CRIM1: variants seen among roughly 807,000 people sequenced by gnomAD.
CRIM1 encodes the protein cysteine-rich motor neuron 1 protein.
CRIM1 carries 32 observed loss-of-function variants against 116.4 expected under a neutral mutation model. The observed-to-expected ratio is 0.27, with a 90% CI of 0.21 to 0.37. The LOEUF is 0.37. CRIM1 is among the 10% of genes least tolerant of loss of function. The pLI is 1.00. For missense variants in CRIM1, 1,331 were observed against 1,354.8 expected (o/e 0.98, Z 0.28); for synonymous variants, 590 against 509.2 (o/e 1.16, Z -2.13).
At chr2:36,377,406 T>C (rs1670408850) in intron 1 of CRIM1, among the ~76,000 whole-genome samples, 1 of 152,210 alleles carries the variant, frequency 6.6e-6, no homozygotes, top group African/African-American at 2.4e-5. Context: ...GGAGAAATCA[T>C]GTTTTATTAA....
chr2:36,478,995 G>C (rs1679200697), intron 6 of CRIM1, among the ~76,000 whole-genome samples: 1 of 152,176 alleles, frequency 6.6e-6, no homozygotes, highest in Non-Finnish European at 1.5e-5. Flanking sequence ...TCATGAACAA[G>C]TCCACAGCAA....
intron 13 of CRIM1, among the ~76,000 whole-genome samples, chr2:36,528,928 C>G (rs942625180): frequency 1.3e-5 from 2 of 152,206 alleles, no homozygotes; most frequent in African/African-American, 4.8e-5. Context: ...AAGCAGCTTT[C>G]TCTTCTCACT....
chr2:36,410,323 T>C (rs1489363296), intron 2 of CRIM1, among the ~76,000 whole-genome samples: 2 of 152,212 alleles, frequency 1.3e-5, no homozygotes, highest in African/African-American at 4.8e-5. Flanking sequence ...ATCAGTAGCC[T>C]TTCTTTTCCT....
At chr2:36,402,141 G>A (rs1253701559) in intron 2 of CRIM1, among the ~76,000 whole-genome samples, 1 of 152,156 alleles carries the variant, frequency 6.6e-6, no homozygotes, top group Non-Finnish European at 1.5e-5. Flanking sequence ...TGGTCACACA[G>A]GCAGTAAATA....
At position 36,550,992 on chromosome 2, in the gene CRIM1, A is replaced by G. The variant is rs1468752888; in HGVS notation, c.*2291A>G. The stretch of plus-strand genomic sequence containing the variant: ...TTGTGCTCTTGTAAAAGAAAAATAT[A>G]ATTTCCTGAAGAATAAAATAGATAT... On this transcript the variant is annotated 3_prime_UTR_variant, in exon 17 of 17. Coordinates refer to ENST00000280527, the MANE Select transcript of CRIM1 (RefSeq NM_016441.3). 6.6e-6 allele frequency: 1 copy of G among 152,654 alleles called. No individual in the cohort carries two copies. Among genetic ancestry groups the G allele is most frequent in the Non-Finnish European group, 1.5e-5 (1 of 68,042 alleles). 9.5% of individuals were successfully genotyped at this position (152,654 alleles called of 1,614,324 possible).
At position 36,548,827 on chromosome 2, in the gene CRIM1, G is replaced by A; in HGVS notation, c.*126G>A. 1 of 703,856 alleles carries A rather than the reference G, an allele frequency of 1.4e-6. No individual in the cohort carries two copies. Among genetic ancestry groups the A allele is most frequent in the South Asian group, 2.3e-5 (1 of 42,744 alleles). 43.6% of individuals were successfully genotyped at this position (703,856 alleles called of 1,614,324 possible). ...ATTGTGACTTGATGTACAGCGCTAA[G>A]ACCTTACTGGGATGGGCTCTGTCTA... On this transcript the variant is annotated 3_prime_UTR_variant, in exon 17 of 17. Transcript: ENST00000280527.
intron 1 of CRIM1, among the ~76,000 whole-genome samples, chr2:36,363,529 G>GGCCC (rs1669375377): frequency 2.6e-5 from 2 of 77,774 alleles, no homozygotes; most frequent in Non-Finnish European, 6.4e-5. Context: ...AGTCGTCGCC[G>GGCCC]CCCCCCCCCC....
At chr2:36,476,426 A>G (rs539113117) in intron 5 of CRIM1, among the ~76,000 whole-genome samples, 1 of 152,348 alleles carries the variant, frequency 6.6e-6, no homozygotes, top group Non-Finnish European at 1.5e-5. Context: ...GTACAGAGAA[A>G]AAGAATTTAA....
rs202057234 is a variant in CRIM1, at chr2:36,403,083, A to T, written c.505+6296A>T. Among the ~76,000 whole-genome samples the T allele has an allele frequency of 5.9e-5, 9 of 152,320 alleles. No individual in the cohort carries two copies. The East Asian group carries it at 1.2e-3, about 20-fold the overall frequency. On this transcript the variant is annotated intron_variant, in intron 2 of 16. Transcript: ENST00000280527. ...TTGTATAGAAAAATAAGAATAACCT[A>T]CTTTGCAGTGATTTATCACCAGGCA...
chr2:36,487,745 G>A (rs906096865), intron 7 of CRIM1, among the ~76,000 whole-genome samples: 4 of 152,062 alleles, frequency 2.6e-5, no homozygotes, highest in South Asian at 4.1e-4. Flanking sequence ...GCCTCTAAAA[G>A]TGAGTACTTT....
intron 11 of CRIM1, 49 bp from the exon 12 acceptor site, chr2:36,517,278 G>A: frequency 6.7e-7 from 1 of 1,483,322 alleles, no homozygotes; most frequent in Non-Finnish European, 9.4e-7. Flanking sequence ...TTCAAGAGTT[G>A]GAAAGATTGC....
intron 8 of CRIM1, among the ~76,000 whole-genome samples, chr2:36,508,233 T>C (rs1401759245): frequency 6.6e-6 from 1 of 152,180 alleles, no homozygotes; most frequent in East Asian, 1.9e-4. Context: ...TAATAAAAGG[T>C]TTATGATAAT....
At position 36,544,517 on chromosome 2, in the gene CRIM1, T is replaced by C; in HGVS notation, c.2746+19T>C. ...CCTAGAGGTAAGCATTGAAGGCAGCTGAGATCTGCTAGTTTTCTATGTGGT... is the reference window on the plus strand; with the variant it reads ...CCTAGAGGTAAGCATTGAAGGCAGCCGAGATCTGCTAGTTTTCTATGTGGT... On this transcript the variant is annotated intron_variant, in intron 15 of 16. Transcript: ENST00000280527. 7.6e-7 allele frequency: 1 copy of C among 1,322,710 alleles called. No homozygotes were observed. Among genetic ancestry groups the C allele is most frequent in the Non-Finnish European group, 9.7e-7 (1 of 1,026,432 alleles). The allele number at this position is 1,322,710 out of a possible 1,614,324, so 81.9% of individuals were successfully genotyped here. A position where few individuals can be genotyped will look rare whatever the true frequency, so the allele number is the denominator to read the frequency against.
chr2:36,544,389 A>C lies in CRIM1; in HGVS notation c.2637A>C (p.Pro879=), dbSNP rs777513336. The C allele has an allele frequency of 7.3e-7, 1 of 1,378,588 alleles. No individual in the cohort carries two copies. Among genetic ancestry groups the C allele is most frequent in the Non-Finnish European group, 9.5e-7 (1 of 1,057,772 alleles). 85.4% of individuals were successfully genotyped at this position (1,378,588 alleles called of 1,614,324 possible). A position where few individuals can be genotyped will look rare whatever the true frequency, so the allele number is the denominator to read the frequency against. Residue 879 remains proline, a synonymous_variant, in exon 15 of 17, where the codon CCA becomes CCC. Transcript: ENST00000280527. ...CCPMCPEMYV[P]EPTNIPIEKT... Reference sequence around the variant, plus strand: ...CCCTTCTTTTAGAAATGTATGTCCCAGAACCAACCAATATACCCATTGAGA... The same window carrying C: ...CCCTTCTTTTAGAAATGTATGTCCCCGAACCAACCAATATACCCATTGAGA...
intron 2 of CRIM1, among the ~76,000 whole-genome samples, chr2:36,402,880 T>C (rs966056071): frequency 3.9e-5 from 6 of 152,032 alleles, no homozygotes; most frequent in African/African-American, 1.4e-4. Context: ...CCCAGGAGTT[T>C]TGGGCAAATT....
intron 7 of CRIM1, among the ~76,000 whole-genome samples, chr2:36,486,149 C>T (rs901130051): frequency 6.6e-6 from 1 of 152,166 alleles, no homozygotes; most frequent in African/African-American, 2.4e-5. Flanking sequence ...ACACTCACAT[C>T]CAGCCTTAAT....
chr2:36,478,846 T>G (rs996357380), intron 6 of CRIM1, among the ~76,000 whole-genome samples: 56 of 152,296 alleles, frequency 3.7e-4, no homozygotes, highest in South Asian at 2.5e-3. Flanking sequence ...AACTTTTTTT[T>G]TTTTACAGTA....
At chr2:36,441,593 A>C in intron 3 of CRIM1, 93 bp downstream of exon 3, 1 of 1,475,602 alleles carries the variant, frequency 6.8e-7, no homozygotes, top group Non-Finnish European at 9.2e-7. Context: ...CTTTCACACG[A>C]AGATGGGCCT....
At chr2:36,456,369 T>C (rs999716233) in intron 4 of CRIM1, among the ~76,000 whole-genome samples, 15 of 152,352 alleles carry the variant, frequency 9.8e-5, no homozygotes, top group Admixed American at 1.3e-4. Context: ...AGCATCTATT[T>C]TCTGAGGCAG....
Sources: gnomAD v4.1 joint callset for allele counts (sites outside exome capture counted in the v4.1 genomes callset) on GRCh38, gnomAD v4.1.1 for gene constraint, MANE v1.5 for transcripts, NCBI Gene and HGNC (gene_info 2026-07-23, HGNC 2026-07-21) for gene names.